NRG2: variants seen among roughly 807,000 people sequenced by gnomAD.
NRG2 encodes the protein pro-neuregulin-2, membrane-bound isoform.
NRG2 carries 27 observed loss-of-function variants against 73.9 expected under a neutral mutation model. The observed-to-expected ratio is 0.37, with a 90% CI of 0.27 to 0.50. The LOEUF (loss-of-function observed/expected upper bound fraction) is 0.50. Among genes scored for constraint, NRG2 ranks in the 20% least tolerant of loss-of-function variants. The probability of loss-of-function intolerance (pLI) is 0.96; values close to 1 mark genes in which losing one functional copy is unlikely to be tolerated. For missense variants in NRG2, 1,126 were observed against 1,210.1 expected, an observed-to-expected ratio of 0.93 and a Z score of 1.03; for synonymous variants, 532 against 541.0, an observed-to-expected ratio of 0.98 and a Z score of 0.23.
chr5:139,938,955 A>G (rs1178075525), intron 1 of NRG2, among the ~76,000 whole-genome samples: 4 of 144,830 alleles, frequency 2.8e-5, no homozygotes, highest in Non-Finnish European at 6.0e-5. Context: ...GAAAGAAAGA[A>G]AGAAAAAAGA....
chr5:139,946,126 C>A (rs1037191710), intron 1 of NRG2, among the ~76,000 whole-genome samples: 3 of 151,944 alleles, frequency 2.0e-5, no homozygotes, highest in Non-Finnish European at 4.4e-5. Flanking sequence ...TCTTAAAATT[C>A]AAGCTGACAA....
intron 1 of NRG2, among the ~76,000 whole-genome samples, chr5:140,003,363 A>T (rs907518605): frequency 6.6e-6 from 1 of 152,212 alleles, no homozygotes; most frequent in Non-Finnish European, 1.5e-5. Flanking sequence ...TGCAGATGTG[A>T]TTAAATTAAG....
chr5:139,969,498 C>T (rs1425170260), intron 1 of NRG2, among the ~76,000 whole-genome samples: 2 of 152,166 alleles, frequency 1.3e-5, no homozygotes, highest in Non-Finnish European at 2.9e-5. Flanking sequence ...GCAACAGGTG[C>T]GTTCAAGCAA....
chr5:139,848,779 G>GGGGGGGGGGGGC, intron 9 of NRG2, 82 bp from the exon 10 acceptor site: 5 of 198,600 alleles, frequency 2.5e-5, no homozygotes, highest in East Asian at 4.1e-4. Flanking sequence ...GGTAGGGTGG[G>GGGGGGGGGGGGC]AGGGGCGGAC....
chr5:140,038,597 T>G (rs1581002112), intron 1 of NRG2, among the ~76,000 whole-genome samples: 1 of 152,254 alleles, frequency 6.6e-6, no homozygotes, highest in Admixed American at 6.5e-5. Context: ...AGTTTTAATC[T>G]GGAGGCTTTC....
At chr5:139,928,697 C>A (rs1299555867) in intron 1 of NRG2, among the ~76,000 whole-genome samples, 2 of 152,146 alleles carry the variant, frequency 1.3e-5, no homozygotes, top group Non-Finnish European at 1.5e-5. Flanking sequence ...GGAAACTTGC[C>A]CCTGGAAGAT....
At chr5:139,848,825 G>T (rs1173136807) in intron 9 of NRG2, 128 bp from the exon 10 acceptor site, 3 of 848,922 alleles carry the variant, frequency 3.5e-6, no homozygotes, top group Non-Finnish European at 5.1e-6. Context: ...GACCCCGCCT[G>T]CAAGAATGAC....
intron 1 of NRG2, among the ~76,000 whole-genome samples, chr5:139,941,670 T>C (rs533276374): frequency 1.3e-5 from 2 of 152,312 alleles, no homozygotes; most frequent in Non-Finnish European, 2.9e-5. Flanking sequence ...GTTAATTACT[T>C]CCAGTTGAAG....
At position 139,904,739 on chromosome 5, in the gene NRG2, G is replaced by A. The variant is rs1056638873; in HGVS notation, c.701-17228C>T. 6.6e-6 allele frequency among the ~76,000 whole-genome samples: 1 copy of A among 152,186 alleles called. No homozygotes were observed. Among genetic ancestry groups the A allele is most frequent in the Non-Finnish European group, 1.5e-5 (1 of 68,010 alleles). On this transcript the variant is annotated intron_variant, in intron 1 of 9. Coordinates refer to ENST00000361474, the MANE Select transcript of NRG2 (RefSeq NM_004883.3). This position sits in a 1 kb window ranked among gnomAD's most constrained non-coding sequence, Gnocchi z 6.0. ...TGGGCTGGGGGCCTGAGCATGATTG[G>A]GGAGGGCGGAGTAGAGATCCCCCAG...
chr5:140,022,180 A>T (rs1278766960), intron 1 of NRG2, among the ~76,000 whole-genome samples: 1 of 152,116 alleles, frequency 6.6e-6, no homozygotes, highest in Non-Finnish European at 1.5e-5. Context: ...AACATGTTTG[A>T]GCTTTCTTTC....
intron 1 of NRG2, among the ~76,000 whole-genome samples, chr5:139,923,650 G>C (rs1751842110): frequency 6.6e-6 from 1 of 152,150 alleles, no homozygotes; most frequent in Non-Finnish European, 1.5e-5. Flanking sequence ...AGAACTTGGG[G>C]GCTCTGGCCC....
intron 3 of NRG2, among the ~76,000 whole-genome samples, chr5:139,872,719 C>T (rs1313656641): frequency 6.6e-6 from 1 of 152,204 alleles, no homozygotes; most frequent in Non-Finnish European, 1.5e-5. Context: ...ACAGACTGCA[C>T]GTCCGATTGA....
At chr5:139,881,107 T>TC in intron 2 of NRG2, 133 bp from the exon 3 acceptor site, 2 of 683,502 alleles carry the variant, frequency 2.9e-6, no homozygotes, top group South Asian at 3.6e-5. Context: ...GGAGATTCCC[T>TC]CCCCCCAGCA....
chr5:139,911,853 AC>A (rs1254366938), intron 1 of NRG2, among the ~76,000 whole-genome samples: 5 of 152,140 alleles, frequency 3.3e-5, no homozygotes, highest in African/African-American at 1.2e-4. Context: ...GCACTTACAC[AC>A]CAAGGCCTAT....
intron 1 of NRG2, among the ~76,000 whole-genome samples, chr5:140,003,033 T>C (rs764321892): frequency 1.2e-4 from 18 of 152,170 alleles, no homozygotes; most frequent in Non-Finnish European, 2.5e-4. Context: ...ACAAGAGACA[T>C]CCAGGCAACT....
intron 1 of NRG2, among the ~76,000 whole-genome samples, chr5:139,888,939 T>C (rs1764042937): frequency 1.3e-5 from 2 of 152,204 alleles, no homozygotes; most frequent in Non-Finnish European, 2.9e-5. Context: ...ATAGCTAACC[T>C]TTGTTAAATG....
intron 1 of NRG2, among the ~76,000 whole-genome samples, chr5:139,901,734 G>T (rs534120105): frequency 6.6e-6 from 1 of 152,216 alleles, no homozygotes; most frequent in Non-Finnish European, 1.5e-5. Context: ...TCTGCCTGTG[G>T]GCAGCTTCAG....
intron 1 of NRG2, among the ~76,000 whole-genome samples, chr5:139,933,079 A>G (rs1387217854): frequency 1.3e-5 from 2 of 152,210 alleles, no homozygotes; most frequent in East Asian, 3.8e-4. Flanking sequence ...GTTTGAGACC[A>G]GCCTGGCCAA....
At chr5:139,987,262 C>G (rs1757236426) in intron 1 of NRG2, among the ~76,000 whole-genome samples, 1 of 150,666 alleles carries the variant, frequency 6.6e-6, no homozygotes, top group South Asian at 2.1e-4. Context: ...CGCCTGTAGT[C>G]CCTGATGAGG....
Sources: gnomAD v4.1 joint callset for allele counts (sites outside exome capture counted in the v4.1 genomes callset) on GRCh38, gnomAD v4.1.1 for gene constraint, Gnocchi (gnomAD v3.1) non-coding constraint, MANE v1.5 for transcripts, NCBI Gene and HGNC (gene_info 2026-07-23, HGNC 2026-07-21) for gene names.